The following RPRD2 variants were observed in gnomAD, a reference collection of about 807,000 sequenced individuals.
RPRD2 encodes the protein regulation of nuclear pre-mRNA domain-containing protein 2.
RPRD2 carries 12 observed loss-of-function variants against 104.4 expected under a neutral mutation model. The ratio of observed to expected loss-of-function variants is 0.11; its 90% confidence interval spans 0.07 to 0.19. The LOEUF is 0.19. Ranked by LOEUF, RPRD2 falls within the 10% of genes least tolerant of loss-of-function variation. The probability of loss-of-function intolerance (pLI) is 1.00; values close to 1 mark genes in which losing one functional copy is unlikely to be tolerated. For missense variants in RPRD2, 1,543 were observed against 1,790.1 expected (o/e 0.86, Z 2.49); for synonymous variants, 714 against 684.9 (o/e 1.04, Z -0.66).
At position 150,473,523 on chromosome 1, in the gene RPRD2, TG is replaced by T. The variant is rs1454115073; in HGVS notation, c.*190del. The T allele has an allele frequency of 3.0e-6, 1 of 334,368 alleles. No homozygotes were observed. The highest frequency in any genetic ancestry group is 2.4e-5 in the African/African-American group (1 of 42,186). 20.7% of individuals were successfully genotyped at this position (334,368 alleles called of 1,614,324 possible). On this transcript the variant is annotated 3_prime_UTR_variant, in exon 11 of 11. Transcript: ENST00000369068. ...TATTCAATTCAATCCTCCCTCCCAT[TG>T]CACTTATCTACCTTCCCCAAGTTGT...
At position 150,473,700 on chromosome 1, in the gene RPRD2, T is replaced by A. The variant is rs961350799; in HGVS notation, c.*366T>A. 1 of 164,210 alleles carries A rather than the reference T, an allele frequency of 6.1e-6. No individual in the cohort carries two copies. Among genetic ancestry groups the A allele is most frequent in the African/African-American group, 2.4e-5 (1 of 41,698 alleles). 10.2% of individuals were successfully genotyped at this position (164,210 alleles called of 1,614,324 possible). A position where few individuals can be genotyped will look rare whatever the true frequency, so the allele number is the denominator to read the frequency against. ...TATTACATTTGAAATAAAACTTCCA[T>A]CAGTACAGATAACCACATGTGCAAT... On this transcript the variant is annotated 3_prime_UTR_variant, in exon 11 of 11. Coordinates refer to ENST00000369068, the MANE Select transcript of RPRD2 (RefSeq NM_015203.5).
chr1:150,446,427 T>C lies in RPRD2; in HGVS notation c.870+26T>C, dbSNP rs199789852. Reference sequence around the variant, plus strand: ...GTAAGTAATAATTAAAGCTGTCTTATACTGAATGCTTGTTACTATATTTCA... The same window carrying C: ...GTAAGTAATAATTAAAGCTGTCTTACACTGAATGCTTGTTACTATATTTCA... On this transcript the variant is annotated intron_variant, in intron 7 of 10. Coordinates refer to ENST00000369068, the MANE Select transcript of RPRD2 (RefSeq NM_015203.5). 1,648 of 1,518,348 alleles carry C rather than the reference T, an allele frequency of 1.1e-3. 6 individuals are homozygous for C. Among genetic ancestry groups the C allele is most frequent in the Non-Finnish European group, 1.3e-3 (1,498 of 1,120,274 alleles). The allele number at this position is 1,518,348 out of a possible 1,614,324, so 94.1% of individuals were successfully genotyped here. A position where few individuals can be genotyped will look rare whatever the true frequency, so the allele number is the denominator to read the frequency against.
chr1:150,438,804 C>T (rs587658125), intron 2 of RPRD2, among the ~76,000 whole-genome samples: 2 of 152,142 alleles, frequency 1.3e-5, no homozygotes, highest in South Asian at 4.1e-4. Context: ...GTATTGAATA[C>T]TATAGGCAGC....
chr1:150,393,697 G>A (rs1553883633), intron 1 of RPRD2, among the ~76,000 whole-genome samples: 1 of 152,090 alleles, frequency 6.6e-6, no homozygotes, highest in African/African-American at 2.4e-5. Flanking sequence ...AAGGTAGTGG[G>A]TGGTATACAA....
At chr1:150,457,244 T>G in intron 7 of RPRD2, 44 bp from the exon 8 acceptor site, 1 of 1,569,106 alleles carries the variant, frequency 6.4e-7, no homozygotes, top group East Asian at 2.2e-5. Context: ...AATGTTAACT[T>G]TCTGGTCTTT....
At chr1:150,459,939 T>G in intron 8 of RPRD2, 121 bp from the exon 9 acceptor site, 1,081 of 741,570 alleles carry the variant, frequency 1.5e-3, no homozygotes, top group East Asian at 2.4e-3. Flanking sequence ...AGTGAGTCGT[T>G]GTTTTCTCTA....
intron 1 of RPRD2, among the ~76,000 whole-genome samples, chr1:150,372,475 G>A (rs778443075): frequency 1.5e-5 from 2 of 129,358 alleles, no homozygotes; most frequent in East Asian, 2.0e-4. Flanking sequence ...GTGAGACTCC[G>A]TCTGAAAAAA....
chr1:150,381,721 G>T (rs1020802052), intron 1 of RPRD2, among the ~76,000 whole-genome samples: 6 of 151,900 alleles, frequency 3.9e-5, no homozygotes, highest in Non-Finnish European at 8.8e-5. Flanking sequence ...AGCCAGGATG[G>T]TCTCGATCTC....
intron 1 of RPRD2, among the ~76,000 whole-genome samples, chr1:150,376,501 CTT>C (rs587716712): frequency 3.5e-5 from 5 of 144,474 alleles, no homozygotes; most frequent in African/African-American, 2.5e-5. Flanking sequence ...ATGATACAGT[CTT>C]TTTTTTTTTT....
chr1:150,435,965 G>C (rs954538614), intron 2 of RPRD2, among the ~76,000 whole-genome samples: 6 of 152,270 alleles, frequency 3.9e-5, no homozygotes, highest in Middle Eastern at 3.4e-3. Context: ...TGAAGCCACT[G>C]TTCATATACA....
chr1:150,456,487 G>T (rs1361292079), intron 7 of RPRD2, among the ~76,000 whole-genome samples: 1 of 152,026 alleles, frequency 6.6e-6, no homozygotes. Context: ...AAAATGGGTC[G>T]CCAGGGATGA....
intron 1 of RPRD2, among the ~76,000 whole-genome samples, chr1:150,407,243 A>G (rs587761300): frequency 1.3e-5 from 2 of 152,330 alleles, no homozygotes; most frequent in East Asian, 3.9e-4. Context: ...TTTTAAGTTC[A>G]TTCATTAGTA....
intron 7 of RPRD2, among the ~76,000 whole-genome samples, chr1:150,451,468 A>G (rs943481248): frequency 3.0e-4 from 45 of 151,942 alleles, no homozygotes; most frequent in Non-Finnish European, 4.4e-4. Context: ...AGGGCAGGAG[A>G]TCGAGACCAT....
rs183686007 is a variant in RPRD2 at position 150,459,733 on chromosome 1, T to C, written c.1154-327T>C. 3.5e-3 allele frequency among the ~76,000 whole-genome samples: 538 copies of C among 152,116 alleles called. 1 individual carries two copies. Among genetic ancestry groups the C allele is most frequent in the Admixed American group, 8.1e-3 (123 of 15,262 alleles). On this transcript the variant is annotated intron_variant, in intron 8 of 10. Coordinates refer to ENST00000369068, the MANE Select transcript of RPRD2 (RefSeq NM_015203.5). ...TCAGCCTCTGTAGTAGCTGGGATTA[T>C]AGACGCCTGCCACCACACCTAGCTA... is the stretch of plus-strand genomic sequence containing the variant.
intron 7 of RPRD2, among the ~76,000 whole-genome samples, chr1:150,453,988 G>C (rs1553897128): frequency 6.6e-6 from 1 of 152,112 alleles, no homozygotes; most frequent in Non-Finnish European, 1.5e-5. Context: ...TTCCCACAGA[G>C]AGCCTGGAAT....
chr1:150,393,681 T>C (rs1464016886), intron 1 of RPRD2, among the ~76,000 whole-genome samples: 1 of 152,086 alleles, frequency 6.6e-6, no homozygotes, highest in Non-Finnish European at 1.5e-5. Context: ...TATATGTCTC[T>C]TACGGAAGGT....
chr1:150,399,959 A>G (rs1322876284), intron 1 of RPRD2, among the ~76,000 whole-genome samples: 7 of 152,192 alleles, frequency 4.6e-5, no homozygotes, highest in African/African-American at 1.7e-4. Flanking sequence ...GATTAGGACT[A>G]AATTGAATGT....
intron 9 of RPRD2, 55 bp from the exon 10 acceptor site, chr1:150,464,458 TGAGGGGAAGTATCG>T (rs1335887105): frequency 8.3e-7 from 1 of 1,211,234 alleles, no homozygotes; most frequent in Non-Finnish European, 1.2e-6. Context: ...CTCATTGAAG[TGAGGGGAAGTATCG>T]GAAATTGAAG....
intron 9 of RPRD2, among the ~76,000 whole-genome samples, 163 bp from the exon 10 acceptor site, chr1:150,464,364 T>C (rs1345231387): frequency 4.8e-5 from 2 of 41,484 alleles, no homozygotes; most frequent in South Asian, 5.4e-4. Context: ...TTTTCAGGGT[T>C]TTTTTTTTTT....
Sources: allele counts gnomAD v4.1 joint callset (sites outside exome capture counted in the v4.1 genomes callset), GRCh38; gene constraint gnomAD v4.1.1; transcripts MANE v1.5; gene names NCBI Gene and HGNC (gene_info 2026-07-23, HGNC 2026-07-21).